The following PTPRO variants were observed in gnomAD, a reference collection of about 807,000 sequenced individuals.
PTPRO encodes the protein protein tyrosine phosphatase receptor type O.
In PTPRO, 62 loss-of-function variants were observed where a neutral mutation model predicts 145.2. That is an observed-to-expected ratio of 0.43 (90% confidence interval 0.35 to 0.53). The LOEUF is 0.53. Among genes scored for constraint, PTPRO ranks in the 20% least tolerant of loss-of-function variants. The probability of loss-of-function intolerance (pLI) is 0.01; values close to 1 mark genes in which losing one functional copy is unlikely to be tolerated. For synonymous variants in PTPRO, 565 were observed against 514.7 expected (o/e 1.10, Z -1.32); for missense variants, 1,345 against 1,482.7 (o/e 0.91, Z 1.53).
At chr12:15,389,132 C>G (rs1354244748) in intron 1 of PTPRO, among the ~76,000 whole-genome samples, 5 of 141,590 alleles carry the variant, frequency 3.5e-5, no homozygotes, top group Admixed American at 2.8e-4. Flanking sequence ...GAGACAGAGT[C>G]TCACTCTGTC....
intron 19 of PTPRO, among the ~76,000 whole-genome samples, chr12:15,572,198 C>A (rs1428782377): frequency 6.6e-6 from 1 of 152,138 alleles, no homozygotes; most frequent in Non-Finnish European, 1.5e-5. Context: ...ATGTAGTGAA[C>A]ATGCTCATGT....
intron 1 of PTPRO, among the ~76,000 whole-genome samples, chr12:15,351,684 C>A (rs1432301702): frequency 6.6e-6 from 1 of 152,120 alleles, no homozygotes; most frequent in Non-Finnish European, 1.5e-5. Flanking sequence ...CTGGATCTAG[C>A]CATGCCTTAC....
At chr12:15,475,882 A>G (rs1330476547) in intron 1 of PTPRO, among the ~76,000 whole-genome samples, 1 of 152,214 alleles carries the variant, frequency 6.6e-6, no homozygotes, top group Admixed American at 6.5e-5. Context: ...AGTAACTTCT[A>G]TCATGGGTAT....
At chr12:15,429,149 A>C (rs188536389) in intron 1 of PTPRO, among the ~76,000 whole-genome samples, 104 of 152,264 alleles carry the variant, frequency 6.8e-4, no homozygotes, top group Admixed American at 1.0e-3. Context: ...AATCTCTTGA[A>C]GCTCATCCAT....
rs1391792024 is a variant in PTPRO at position 15,416,388 on chromosome 12, C to T, written c.76-67586C>T. 7.3e-5 allele frequency among the ~76,000 whole-genome samples: 11 copies of T among 150,136 alleles called. 1 individual carries two copies. The South Asian group carries it at 1.0e-3, about 14-fold the overall frequency. On this transcript the variant is annotated intron_variant, in intron 1 of 26. Coordinates refer to ENST00000281171, the MANE Select transcript of PTPRO (RefSeq NM_030667.3). ...AGGCTGGAGTGCAGTGGCACAATCT[C>T]GGCTCACTGCAAGGTCTGACTCCTG...
At chr12:15,423,305 G>A (rs145193460) in intron 1 of PTPRO, among the ~76,000 whole-genome samples, 2 of 152,196 alleles carry the variant, frequency 1.3e-5, no homozygotes, top group Non-Finnish European at 2.9e-5. Flanking sequence ...ACAATTTACC[G>A]ATCTTGTGAA....
chr12:15,322,854 T>TCCGGCGCCCTCGCTCTG lies in PTPRO; in HGVS notation c.75+57_75+73dup. Reference sequence around the variant, plus strand: ...CCAGCGGTCCGGGCGGCAGCCGCGCTCCGGCGCCCTCGCTCTGCCGTTGGG... The same window carrying TCCGGCGCCCTCGCTCTG: ...CCAGCGGTCCGGGCGGCAGCCGCGCTCCGGCGCCCTCGCTCTGCCGGCGCCCTCGCTCTGCCGTTGGG... On this transcript the variant is annotated intron_variant, in intron 1 of 26. Coordinates refer to ENST00000281171, the MANE Select transcript of PTPRO (RefSeq NM_030667.3). This position sits in a 1 kb window ranked among gnomAD's most constrained non-coding sequence, Gnocchi z 6.3. 6 of 1,561,960 alleles carry TCCGGCGCCCTCGCTCTG rather than the reference T, an allele frequency of 3.8e-6. No homozygotes were observed. The highest frequency in any genetic ancestry group is 4.4e-6 in the Non-Finnish European group (5 of 1,148,216).
intron 1 of PTPRO, among the ~76,000 whole-genome samples, chr12:15,398,511 T>C: frequency 6.6e-6 from 1 of 151,960 alleles, no homozygotes. Flanking sequence ...CTCCGAATCT[T>C]GGCTTTTAGG....
At chr12:15,504,724 G>A (rs2136475467) in intron 6 of PTPRO, among the ~76,000 whole-genome samples, 1 of 152,272 alleles carries the variant, frequency 6.6e-6, no homozygotes, top group South Asian at 2.1e-4. Context: ...ACCCTATCAG[G>A]AGTTATATGT....
intron 12 of PTPRO, among the ~76,000 whole-genome samples, chr12:15,542,608 G>C (rs1943202811): frequency 1.3e-5 from 2 of 152,004 alleles, no homozygotes; most frequent in Admixed American, 1.3e-4. Context: ...CATAATAAGG[G>C]CCACATGTAT....
At chr12:15,349,838 A>T (rs767222512) in intron 1 of PTPRO, among the ~76,000 whole-genome samples, 2 of 152,230 alleles carry the variant, frequency 1.3e-5, no homozygotes, top group Non-Finnish European at 2.9e-5. Flanking sequence ...TATTGATTAC[A>T]CGTAGGACAA....
intron 1 of PTPRO, among the ~76,000 whole-genome samples, chr12:15,475,694 A>G (rs914139157): frequency 2.0e-5 from 3 of 152,152 alleles, no homozygotes; most frequent in African/African-American, 7.2e-5. Flanking sequence ...GTGAATTTGA[A>G]AGCATATTTA....
chr12:15,545,504 G>A (rs1284275057), intron 12 of PTPRO, among the ~76,000 whole-genome samples: 2 of 150,850 alleles, frequency 1.3e-5, no homozygotes, highest in Non-Finnish European at 2.9e-5. Flanking sequence ...GAGACATTCA[G>A]GAATGGAGAA....
At chr12:15,539,718 C>T (rs772911043) in intron 12 of PTPRO, among the ~76,000 whole-genome samples, 2 of 113,168 alleles carry the variant, frequency 1.8e-5, no homozygotes. Flanking sequence ...GCTGAGATTG[C>T]GCCGCTGCAC....
At position 15,482,527 on chromosome 12, in the gene PTPRO, A is replaced by G. The variant is rs182319638; in HGVS notation, c.76-1447A>G. Among the ~76,000 whole-genome samples, 408 of 152,246 alleles carry G rather than the reference A, an allele frequency of 2.7e-3. 3 individuals carry two copies. Among genetic ancestry groups the G allele is most frequent in the African/African-American group, 9.5e-3 (397 of 41,574 alleles). On this transcript the variant is annotated intron_variant, in intron 1 of 26. Coordinates refer to ENST00000281171, the MANE Select transcript of PTPRO (RefSeq NM_030667.3). ...AAATAACTAGAAGAGTGGATTTTGA[A>G]TGTTCCCAACACAAAGAAATGATAA... is the stretch of plus-strand genomic sequence containing the variant.
rs534607261 is a variant in PTPRO, at chr12:15,567,809, C to T, written c.2748-1608C>T. Among the ~76,000 whole-genome samples the T allele has an allele frequency of 2.0e-5, 3 of 152,236 alleles. No individual in the cohort carries two copies. In the South Asian group the frequency reaches 6.2e-4, roughly 32 times the overall value. On this transcript the variant is annotated intron_variant, in intron 18 of 26. Coordinates refer to ENST00000281171, the MANE Select transcript of PTPRO (RefSeq NM_030667.3). ...TCCCTGGATTCCAGTGAGAATTCTACTGCTTAGTAGACATGTGATGTTGGG... is the reference window on the plus strand; with the variant it reads ...TCCCTGGATTCCAGTGAGAATTCTATTGCTTAGTAGACATGTGATGTTGGG...
In PTPRO at chr12:15,501,624, T is replaced by G; in HGVS notation, c.666T>G (p.Pro222=). Residue 222 remains proline (P), a synonymous_variant, in exon 5 of 27, where the codon CCT becomes CCG. Coordinates refer to ENST00000281171, the MANE Select transcript of PTPRO (RefSeq NM_030667.3). ...TGAAAATTCTCTCTCTTACAGCCCC[T>G]TATCCACCTCAAAATATTTCCGTTC... The part of the protein sequence containing the change: ...SHEPKQHRTA[P]YPPQNISVRI... The G allele has an allele frequency of 6.2e-7, 1 of 1,612,550 alleles. No homozygotes were observed.
intron 7 of PTPRO, among the ~76,000 whole-genome samples, chr12:15,511,901 C>T (rs1228218826): frequency 6.6e-6 from 1 of 151,978 alleles, no homozygotes; most frequent in Non-Finnish European, 1.5e-5. Flanking sequence ...TCCAGGTAGT[C>T]ATTTGAATAG....
At chr12:15,365,279 C>T (rs1938327193) in intron 1 of PTPRO, among the ~76,000 whole-genome samples, 2 of 152,088 alleles carry the variant, frequency 1.3e-5, no homozygotes, top group African/African-American at 2.4e-5. Context: ...TCCACATGAT[C>T]GTCCAATGTA....
Sources: gnomAD v4.1 joint callset for allele counts (sites outside exome capture counted in the v4.1 genomes callset) on GRCh38, gnomAD v4.1.1 for gene constraint, Gnocchi (gnomAD v3.1) non-coding constraint, MANE v1.5 for transcripts, NCBI Gene and HGNC (gene_info 2026-07-23, HGNC 2026-07-21) for gene names.